Variants in CDC40 observed in about 807,000 individuals in gnomAD.
CDC40 encodes the protein pre-mRNA-processing factor 17.
In CDC40, 27 loss-of-function variants were observed where a neutral mutation model predicts 80.6. The observed-to-expected ratio is 0.33, with a 90% CI of 0.25 to 0.46. CDC40 has a LOEUF of 0.46. CDC40 is among the 20% of genes least tolerant of loss of function. The pLI, the probability that CDC40 is intolerant of heterozygous loss-of-function variation, is 1.00. For synonymous variants in CDC40, 221 were observed against 232.6 expected, an observed-to-expected ratio of 0.95 and a Z score of 0.45; for missense variants, 486 against 694.1, an observed-to-expected ratio of 0.70 and a Z score of 3.37.
intron 13 of CDC40, among the ~76,000 whole-genome samples, chr6:110,226,881 A>C (rs548525521): frequency 6.6e-6 from 1 of 151,848 alleles, no homozygotes; most frequent in South Asian, 2.1e-4. Flanking sequence ...ATCAGCTGGC[A>C]TGGTGGTGCA....
Position 110,185,241 on chromosome 6 carries a change from C to CTTTTTTTTTT in CDC40, c.189+4617_189+4626dup, listed in dbSNP as rs1227694611. Among the ~76,000 whole-genome samples, 12 of 124,032 alleles carry CTTTTTTTTTT rather than the reference C, an allele frequency of 9.7e-5. 1 individual carries two copies. Among genetic ancestry groups the CTTTTTTTTTT allele is most frequent in the East Asian group, 2.3e-4 (1 of 4,294 alleles). 81.4% of individuals were successfully genotyped at this position (124,032 alleles called of 152,430 possible). On this transcript the variant is annotated intron_variant, in intron 1 of 14. Coordinates refer to ENST00000307731, the MANE Select transcript of CDC40 (RefSeq NM_015891.3). The stretch of plus-strand genomic sequence containing the variant: ...CCTTTCTTTTTCTTCATCTTTTTTT[C>CTTTTTTTTTT]TTTTTTTTTTTTTTTTTTGGAGACG...
intron 14 of CDC40, among the ~76,000 whole-genome samples, chr6:110,229,389 A>G (rs1036393193): frequency 2.0e-5 from 3 of 152,166 alleles, no homozygotes; most frequent in Admixed American, 6.5e-5. Flanking sequence ...CTGTGCTGAA[A>G]CCTCAAATCC....
chr6:110,188,440 C>T (rs1239236976), intron 1 of CDC40, among the ~76,000 whole-genome samples: 1 of 152,162 alleles, frequency 6.6e-6, no homozygotes, highest in Admixed American at 6.5e-5. Flanking sequence ...TATCTTTCAT[C>T]AGTAAAGATT....
chr6:110,201,813 T>C lies in CDC40; in HGVS notation c.406+126T>C, dbSNP rs944369229. The C allele has an allele frequency of 3.9e-5, 25 of 633,632 alleles. 1 individual carries two copies. Among genetic ancestry groups the C allele is most frequent in the Middle Eastern group, 3.4e-4 (1 of 2,966 alleles). 39.3% of individuals were successfully genotyped at this position (633,632 alleles called of 1,614,324 possible). On this transcript the variant is annotated intron_variant, in intron 3 of 14. Transcript: ENST00000307731. ...ATTCCTTCAGAAAGGATAGTATGCC[T>C]TCCTATACATATCCTTAAATATTTA...
In CDC40 at chr6:110,230,167, G is replaced by T; in HGVS notation, c.*36G>T. On this transcript the variant is annotated 3_prime_UTR_variant, in exon 15 of 15. Coordinates refer to ENST00000307731, the MANE Select transcript of CDC40 (RefSeq NM_015891.3). ...CCTTAAACTAGCTGGGATCATTTTT[G>T]ATCCATTGTCATATTTATATTTAAT... 2.3e-6 allele frequency: 3 copies of T among 1,292,538 alleles called. No homozygotes were observed. The highest frequency in any genetic ancestry group is 2.3e-5 in the East Asian group (1 of 42,850). 80.1% of individuals were successfully genotyped at this position (1,292,538 alleles called of 1,614,324 possible).
At chr6:110,220,647 G>C (rs1018461933) in intron 12 of CDC40, among the ~76,000 whole-genome samples, 1 of 151,956 alleles carries the variant, frequency 6.6e-6, no homozygotes, top group Non-Finnish European at 1.5e-5. Flanking sequence ...GGGTTTCACT[G>C]TGTTAGCCAG....
At chr6:110,194,691 AAT>A (rs1777397087) in intron 2 of CDC40, among the ~76,000 whole-genome samples, 1 of 152,180 alleles carries the variant, frequency 6.6e-6, no homozygotes, top group Non-Finnish European at 1.5e-5. Flanking sequence ...ATTATATGTA[AAT>A]ATATGTTTCA....
intron 1 of CDC40, among the ~76,000 whole-genome samples, chr6:110,191,440 T>C (rs2114650403): frequency 6.6e-6 from 1 of 152,324 alleles, no homozygotes; most frequent in East Asian, 1.9e-4. Flanking sequence ...AGGGTTTGGT[T>C]ATACATTTGT....
intron 2 of CDC40, among the ~76,000 whole-genome samples, chr6:110,198,179 C>CTT (rs559909824): frequency 0.049 from 6,726 of 136,632 alleles, 189 homozygotes; most frequent in East Asian, 0.11. Context: ...TACCTGTTGA[C>CTT]TTTTTTTTTT....
intron 1 of CDC40, among the ~76,000 whole-genome samples, chr6:110,189,483 A>G (rs1777317691): frequency 6.6e-6 from 1 of 152,202 alleles, no homozygotes; most frequent in East Asian, 1.9e-4. Context: ...TGACTACACC[A>G]AGAAAATAAA....
chr6:110,202,703 G>A (rs893255211), intron 3 of CDC40, among the ~76,000 whole-genome samples: 5 of 150,960 alleles, frequency 3.3e-5, no homozygotes, highest in Non-Finnish European at 5.9e-5. Flanking sequence ...TTGTTTGTTT[G>A]TTTTAAGTAT....
chr6:110,206,834 C>T (rs1314152042), intron 3 of CDC40, among the ~76,000 whole-genome samples: 1 of 152,174 alleles, frequency 6.6e-6, no homozygotes, highest in Non-Finnish European at 1.5e-5. Flanking sequence ...TTTCCAAGTG[C>T]ATCATGTACA....
intron 7 of CDC40, 121 bp downstream of exon 7, chr6:110,212,393 A>C: frequency 1.1e-6 from 1 of 943,368 alleles, no homozygotes; most frequent in Non-Finnish European, 1.6e-6. Context: ...GTCAAATTGA[A>C]TGTAAGCCTG....
chr6:110,229,068 T>C, intron 14 of CDC40, 92 bp downstream of exon 14: 1 of 1,023,842 alleles, frequency 9.8e-7, no homozygotes, highest in African/African-American at 1.7e-5. Context: ...CACTCTCACA[T>C]AATATGTTTT....
chr6:110,209,386 C>G, intron 5 of CDC40, 163 bp downstream of exon 5: 1 of 528,796 alleles, frequency 1.9e-6, no homozygotes, highest in East Asian at 3.1e-5. Context: ...ATTTGTTTTT[C>G]TTTGGGATAT....
At chr6:110,225,868 ACTTT>A (rs1473080033) in intron 12 of CDC40, among the ~76,000 whole-genome samples, 2 of 152,212 alleles carry the variant, frequency 1.3e-5, no homozygotes, top group Non-Finnish European at 2.9e-5. Context: ...TTATTAAAGA[ACTTT>A]CTTTCAGTAA....
intron 2 of CDC40, among the ~76,000 whole-genome samples, chr6:110,193,926 G>A (rs1339067110): frequency 1.3e-5 from 2 of 152,098 alleles, no homozygotes; most frequent in East Asian, 3.9e-4. Context: ...GAAAATATTG[G>A]GGCTTACCAG....
At chr6:110,223,755 T>C (rs2114672517) in intron 12 of CDC40, among the ~76,000 whole-genome samples, 1 of 152,324 alleles carries the variant, frequency 6.6e-6, no homozygotes, top group Non-Finnish European at 1.5e-5. Context: ...AACTCTTATG[T>C]TCTAAAGGAG....
At chr6:110,215,248 A>G in intron 8 of CDC40, 38 bp from the exon 9 acceptor site, 4 of 1,562,764 alleles carry the variant, frequency 2.6e-6, no homozygotes, top group Non-Finnish European at 3.5e-6. Context: ...CCTTTATTAA[A>G]TGTAATATTT....
Sources: gnomAD v4.1 joint callset for allele counts (sites outside exome capture counted in the v4.1 genomes callset) on GRCh38, gnomAD v4.1.1 for gene constraint, MANE v1.5 for transcripts, NCBI Gene and HGNC (gene_info 2026-07-23, HGNC 2026-07-21) for gene names.